WDR76: variants seen among roughly 807,000 people sequenced by gnomAD.
WDR76 encodes WD repeat-containing protein 76.
Under a neutral mutation model 70.2 loss-of-function variants are expected in WDR76, and 52 were observed. The ratio of observed to expected loss-of-function variants is 0.74; its 90% CI spans 0.59 to 0.93. WDR76 has a LOEUF of 0.93. WDR76 is among the 40% of genes least tolerant of loss of function. WDR76 has a pLI of 0.00. For missense variants in WDR76, 756 were observed against 760.2 expected (o/e 0.99, Z 0.07); for synonymous variants, 292 against 271.1 (o/e 1.08, Z -0.76).
intron 8 of WDR76, among the ~76,000 whole-genome samples, chr15:43,847,283 G>A (rs2087800776): frequency 1.3e-5 from 2 of 150,898 alleles, no homozygotes; most frequent in Admixed American, 1.3e-4. Context: ...TTTTTGAGAT[G>A]GGAATCTTGC....
Position 43,827,163 on chromosome 15 carries a change from G to A in WDR76, c.60+71G>A, listed in dbSNP as rs573400341. 16 of 1,603,098 alleles carry A rather than the reference G, an allele frequency of 1.0e-5. No homozygotes were observed. In the African/African-American group the frequency reaches 2.1e-4, roughly 21 times the overall value. On this transcript the variant is annotated intron_variant, in intron 1 of 12. Transcript: ENST00000263795. ...TTTGTGAGGGTTATGCGGGACACAG[G>A]CCCAGGAGGTCGAGGGCACCTGGCA...
intron 9 of WDR76, among the ~76,000 whole-genome samples, chr15:43,855,323 T>C (rs1020567790): frequency 6.6e-6 from 1 of 152,192 alleles, no homozygotes; most frequent in African/African-American, 2.4e-5. Context: ...GTGAAAAAAC[T>C]GAGGCAGAGA....
intron 7 of WDR76, among the ~76,000 whole-genome samples, chr15:43,843,045 A>G (rs2087746734): frequency 3.3e-5 from 4 of 120,948 alleles, no homozygotes; most frequent in African/African-American, 1.3e-4. Flanking sequence ...GTTTTTTGAG[A>G]CAAGGTCTCC....
chr15:43,863,434 C>T (rs540863299), intron 12 of WDR76, among the ~76,000 whole-genome samples: 7 of 152,058 alleles, frequency 4.6e-5, no homozygotes, highest in African/African-American at 1.7e-4. Context: ...TGACTATAGT[C>T]ATCCTGATGT....
intron 8 of WDR76, among the ~76,000 whole-genome samples, chr15:43,847,565 C>A (rs182401498): frequency 6.6e-6 from 1 of 152,078 alleles, no homozygotes; most frequent in South Asian, 2.1e-4. Flanking sequence ...GGATTACAGG[C>A]GTCCGCTACC....
In WDR76 at chr15:43,836,169, A is replaced by C. The variant is rs777395132; in HGVS notation, c.561A>C (p.Ala187=). The C allele has an allele frequency of 3.1e-6, 5 of 1,608,352 alleles. No individual in the cohort carries two copies. The highest frequency in any genetic ancestry group is 2.5e-6 in the Non-Finnish European group (3 of 1,177,626). ...ATTTTTATACTTTACAGTCTGCTGC[A>C]AGACTCCGTGAAATGATAGAGAAGA... The part of the protein sequence containing the change: ...FASLQLSESA[A]RLREMIEKRQ... Residue 187 remains alanine, a synonymous_variant, in exon 4 of 13, where the codon GCA becomes GCC. Coordinates refer to ENST00000263795, the MANE Select transcript of WDR76 (RefSeq NM_024908.4).
Position 43,867,277 on chromosome 15 carries a change from G to T in WDR76, c.*885G>T, listed in dbSNP as rs1231415872. On this transcript the variant is annotated 3_prime_UTR_variant, in exon 13 of 13. Transcript: ENST00000263795. ...TCTGTACTTTGCCTTTACTCTAGAT[G>T]GCTCCTGAGACACAGGCAGGACTCC... 3 of 152,064 alleles carry T rather than the reference G, an allele frequency of 2.0e-5. No homozygotes were observed. The highest frequency in any genetic ancestry group is 4.8e-5 in the African/African-American group (2 of 41,380). 9.4% of individuals were successfully genotyped at this position (152,064 alleles called of 1,614,324 possible).
At chr15:43,854,245 G>A (rs771206922) in intron 9 of WDR76, among the ~76,000 whole-genome samples, 7 of 152,108 alleles carry the variant, frequency 4.6e-5, no homozygotes, top group Non-Finnish European at 8.8e-5. Flanking sequence ...AAACTTGTAC[G>A]GGAATGTTCA....
chr15:43,867,565 T>C lies in WDR76; in HGVS notation c.*1173T>C, dbSNP rs1476098349. On this transcript the variant is annotated 3_prime_UTR_variant, in exon 13 of 13. Coordinates refer to ENST00000263795, the MANE Select transcript of WDR76 (RefSeq NM_024908.4). ...TGTGTATTCTGATGTAAAATATATA[T>C]ATATATATATTTTATTACTATAGTA... The C allele has an allele frequency of 1.4e-5, 2 of 142,008 alleles. No individual in the cohort carries two copies. Among genetic ancestry groups the C allele is most frequent in the African/African-American group, 4.9e-5 (2 of 40,428 alleles). The allele number at this position is 142,008 out of a possible 1,614,324, so 8.8% of individuals were successfully genotyped here.
At chr15:43,847,838 T>C (rs1375024758) in intron 8 of WDR76, among the ~76,000 whole-genome samples, 1 of 152,190 alleles carries the variant, frequency 6.6e-6, no homozygotes. Flanking sequence ...ATTACAGGCG[T>C]GAGCCACTGC....
chr15:43,857,901 A>G (rs1410045822), intron 10 of WDR76, among the ~76,000 whole-genome samples: 2 of 143,236 alleles, frequency 1.4e-5, no homozygotes, highest in African/African-American at 5.1e-5. Flanking sequence ...TGTGTCTAGT[A>G]TTGTACTTGT....
chr15:43,836,909 C>T (rs952811235), intron 4 of WDR76, among the ~76,000 whole-genome samples: 1 of 151,134 alleles, frequency 6.6e-6, no homozygotes, highest in African/African-American at 2.4e-5. Context: ...GGTGTGGTGG[C>T]ACATGTCTGA....
intron 9 of WDR76, among the ~76,000 whole-genome samples, chr15:43,853,594 A>G (rs2087889970): frequency 4.6e-5 from 7 of 152,184 alleles, no homozygotes; most frequent in Admixed American, 4.6e-4. Flanking sequence ...AAGGATCTGA[A>G]TAAACATTTC....
chr15:43,832,285 C>T (rs2087598735), intron 2 of WDR76, among the ~76,000 whole-genome samples: 1 of 151,778 alleles, frequency 6.6e-6, no homozygotes, highest in African/African-American at 2.4e-5. Flanking sequence ...GTTTCAGCTT[C>T]TTGGGAGGCT....
Position 43,839,664 on chromosome 15 carries a change from T to C in WDR76, c.668T>C (p.Val223Ala). ...AGAAGGTCAATGCGATTACTAAAAG[T>C]TGATCCTTCGGGAGTTTCATTACCA... is the stretch of plus-strand genomic sequence containing the variant. Reference protein sequence around the residue: ...GCRRSMRLLKVDPSGVSLPAA... With the variant: ...GCRRSMRLLKADPSGVSLPAA... The change falls in exon 5 of 13, where the codon GTT becomes GCT. Residue 223 changes from valine to alanine, a missense_variant. By Grantham distance (64) the Val-to-Ala change is moderately conservative (BLOSUM62 0). Coordinates refer to ENST00000263795, the MANE Select transcript of WDR76 (RefSeq NM_024908.4). 1 of 1,612,774 alleles carries C rather than the reference T, an allele frequency of 6.2e-7. No individual in the cohort carries two copies. Among genetic ancestry groups the C allele is most frequent in the South Asian group, 1.1e-5 (1 of 90,898 alleles).
intron 4 of WDR76, 70 bp from the exon 5 acceptor site, chr15:43,839,535 T>A: frequency 6.8e-7 from 1 of 1,463,750 alleles, no homozygotes; most frequent in South Asian, 1.4e-5. Flanking sequence ...CTAGAAGTTA[T>A]CTCTTTAGTA....
At chr15:43,841,358 G>A (rs759710686) in intron 5 of WDR76, among the ~76,000 whole-genome samples, 98 of 151,790 alleles carry the variant, frequency 6.5e-4, no homozygotes, top group African/African-American at 1.4e-3. Context: ...CACCACGCCC[G>A]GCTAATTTTT....
At chr15:43,862,540 A>G (rs1488407737) in intron 12 of WDR76, among the ~76,000 whole-genome samples, 1 of 145,002 alleles carries the variant, frequency 6.9e-6, no homozygotes, top group African/African-American at 2.6e-5. Flanking sequence ...ACAGAGTCTC[A>G]CTCTGTTGTC....
chr15:43,844,158 C>T, intron 8 of WDR76, 104 bp downstream of exon 8: 2 of 1,093,366 alleles, frequency 1.8e-6, no homozygotes, highest in Non-Finnish European at 2.4e-6. Context: ...GTGAGACTTA[C>T]AATTTTGGGC....
Sources: gnomAD v4.1 joint callset for allele counts (sites outside exome capture counted in the v4.1 genomes callset) on GRCh38, gnomAD v4.1.1 for gene constraint, MANE v1.5 for transcripts, NCBI Gene and HGNC (gene_info 2026-07-23, HGNC 2026-07-21) for gene names.